The following DNAH6 variants were observed in gnomAD, a reference collection of about 807,000 sequenced individuals.
DNAH6 encodes the protein axonemal beta dynein heavy chain 6.
In DNAH6, 340 loss-of-function variants were observed where a neutral mutation model predicts 491.4. The observed-to-expected ratio is 0.69, with a 90% confidence interval of 0.63 to 0.76. The LOEUF is 0.76. Among genes scored for constraint, DNAH6 ranks in the 30% least tolerant of loss-of-function variants. DNAH6 has a pLI of 0.00. For synonymous variants in DNAH6, 1,603 were observed against 1,686.1 expected, an observed-to-expected ratio of 0.95 and a Z score of 1.21; for missense variants, 4,443 against 4,972.2, an observed-to-expected ratio of 0.89 and a Z score of 3.20.
chr2:84,601,039 C>CTATAATAATAATGTTATTATTATAA (rs1685180390), intron 18 of DNAH6, among the ~76,000 whole-genome samples: 1 of 142,290 alleles, frequency 7.0e-6, no homozygotes. Context: ...TATTATTATA[C>CTATAATAATAATGTTATTATTATAA]TATAATAATA....
In DNAH6 at chr2:84,642,423, G is replaced by A. The variant is rs954145391; in HGVS notation, c.5078+369G>A. 2.6e-5 allele frequency among the ~76,000 whole-genome samples: 4 copies of A among 151,904 alleles called. No homozygotes were observed. In the East Asian group the frequency reaches 5.8e-4, roughly 22 times the overall value. On this transcript the variant is annotated intron_variant, in intron 33 of 76. Coordinates refer to ENST00000389394, the MANE Select transcript of DNAH6 (RefSeq NM_001370.2). ...GTTGTTTAGTTTTACATTTCTCCACGTTATACATGTATATAGTTTTAAAAA... is the reference window on the plus strand; with the variant it reads ...GTTGTTTAGTTTTACATTTCTCCACATTATACATGTATATAGTTTTAAAAA...
chr2:84,715,625 A>C lies in DNAH6; in HGVS notation c.9609A>C (p.Leu3203Phe). ...VTKSGLEDQL[L>F]SDVVRLEKPR... ...AATCAGGCCTGGAGGATCAGTTGTT[A>C]AGGTAAAAAAACAGGGAGTTGAGGG... The change falls in exon 58 of 77, where the codon TTA becomes TTC. Residue 3203 changes from leucine (L) to phenylalanine (F), a missense_variant and splice_region_variant. By Grantham distance (22) the Leu-to-Phe change is conservative. Transcript: ENST00000389394. 1 of 1,551,414 alleles carries C rather than the reference A, an allele frequency of 6.4e-7. No homozygotes were observed. The highest frequency in any genetic ancestry group is 1.4e-5 in the African/African-American group (1 of 73,128).
chr2:84,658,549 T>A, intron 36 of DNAH6, 75 bp downstream of exon 36: 1 of 1,052,148 alleles, frequency 9.5e-7, no homozygotes, highest in Non-Finnish European at 1.3e-6. Flanking sequence ...AAGAAATGAC[T>A]CCATTCTAAA....
the DNAH6 span, among the ~76,000 whole-genome samples, chr2:84,466,818 G>A: frequency 3.9e-5 from 6 of 152,322 alleles, no homozygotes; most frequent in South Asian, 1.0e-3. Flanking sequence ...TCTTAGGATA[G>A]CCACAGTTAA....
At chr2:84,808,623 C>T in intron 72 of DNAH6, 81 bp downstream of exon 72, 4 of 1,410,036 alleles carry the variant, frequency 2.8e-6, no homozygotes, top group South Asian at 1.3e-5. Context: ...CTTCCATTCC[C>T]ATCACTTCAG....
At chr2:84,705,986 G>T (rs1205668562) in intron 52 of DNAH6, among the ~76,000 whole-genome samples, 1 of 152,090 alleles carries the variant, frequency 6.6e-6, no homozygotes, top group Non-Finnish European at 1.5e-5. Context: ...TGAAAAAAAA[G>T]GAATTAATCT....
chr2:84,538,816 A>C (rs1286869844), intron 4 of DNAH6, among the ~76,000 whole-genome samples: 1 of 152,100 alleles, frequency 6.6e-6, no homozygotes, highest in Non-Finnish European at 1.5e-5. Flanking sequence ...AAACTTGTTA[A>C]AAGTACTTTT....
In DNAH6 at chr2:84,676,996, T is replaced by C; in HGVS notation, c.6613-9T>C. Reference sequence around the variant, plus strand: ...GCTGAGTGATCCAAGTGGATTTCTCTGCACACAGGATGTAACAATCATATC... The same window carrying C: ...GCTGAGTGATCCAAGTGGATTTCTCCGCACACAGGATGTAACAATCATATC... On this transcript the variant is annotated splice_polypyrimidine_tract_variant and intron_variant, in intron 40 of 76. Coordinates refer to ENST00000389394, the MANE Select transcript of DNAH6 (RefSeq NM_001370.2). 1 of 1,551,788 alleles carries C rather than the reference T, an allele frequency of 6.4e-7. No homozygotes were observed. Among genetic ancestry groups the C allele is most frequent in the Non-Finnish European group, 8.7e-7 (1 of 1,146,966 alleles).
At chr2:84,592,555 C>T (rs6749409) in intron 16 of DNAH6, among the ~76,000 whole-genome samples, 11 of 152,140 alleles carry the variant, frequency 7.2e-5, no homozygotes, top group Non-Finnish European at 1.5e-4. Context: ...ACTTAAAAAA[C>T]AAATGACCCA....
intron 76 of DNAH6, among the ~76,000 whole-genome samples, chr2:84,816,811 A>G (rs1269294745): frequency 6.6e-6 from 1 of 152,220 alleles, no homozygotes; most frequent in East Asian, 1.9e-4. Context: ...CCCTGAAAAA[A>G]GAAACCAGAC....
intron 70 of DNAH6, among the ~76,000 whole-genome samples, chr2:84,799,263 C>G (rs59924802): frequency 6.6e-6 from 1 of 152,212 alleles, no homozygotes; most frequent in Non-Finnish European, 1.5e-5. Flanking sequence ...GCTGGGATTA[C>G]AGGCATGAGC....
In DNAH6 at chr2:84,529,114, A is replaced by G. The variant is rs1280607785; in HGVS notation, c.610A>G (p.Met204Val). The G allele has an allele frequency of 6.4e-7, 1 of 1,550,846 alleles. No individual in the cohort carries two copies. Among genetic ancestry groups the G allele is most frequent in the Admixed American group, 2.0e-5 (1 of 50,976 alleles). ...RENEHLGFLYMIPAVPRSSIE... is the reference protein window; with the variant it reads ...RENEHLGFLYVIPAVPRSSIE... ...AAATGAACATCTTGGATTTCTTTAT[A>G]TGATCCCTGCAGTGCCAAGATCATC... Residue 204 changes from methionine (M) to valine (V), a missense_variant, in exon 4 of 77, where the codon ATG (methionine) becomes GTG (valine). By Grantham distance (21) the Met-to-Val change is conservative (BLOSUM62 1). Around this residue, in one of 3 missense-constraint regions of DNAH6, gnomAD observed 2,977 missense variants for 3,296.6 expected, o/e 0.90. Coordinates refer to ENST00000389394, the MANE Select transcript of DNAH6 (RefSeq NM_001370.2).
the DNAH6 span, among the ~76,000 whole-genome samples, chr2:84,483,603 G>A: frequency 1.4e-4 from 22 of 151,868 alleles, no homozygotes; most frequent in Middle Eastern, 3.4e-3. Context: ...CCACCTCCCC[G>A]AGATATATAA....
intron 63 of DNAH6, among the ~76,000 whole-genome samples, chr2:84,751,781 G>A (rs1673496145): frequency 6.6e-6 from 1 of 152,180 alleles, no homozygotes; most frequent in Non-Finnish European, 1.5e-5. Context: ...TCATTTGGGG[G>A]TCTTGTTAAA....
chr2:84,804,445 T>G (rs1173367373), intron 70 of DNAH6, among the ~76,000 whole-genome samples: 1 of 152,112 alleles, frequency 6.6e-6, no homozygotes, highest in Non-Finnish European at 1.5e-5. Context: ...GCAAACTTTA[T>G]GCACATATAT....
intron 64 of DNAH6, among the ~76,000 whole-genome samples, chr2:84,768,893 T>G (rs1412987086): frequency 6.6e-6 from 1 of 152,186 alleles, no homozygotes; most frequent in African/African-American, 2.4e-5. Flanking sequence ...ATATCAGCAA[T>G]GGCAGAGTAG....
At chr2:84,657,585 A>G (rs1211214998) in intron 35 of DNAH6, among the ~76,000 whole-genome samples, 1 of 152,006 alleles carries the variant, frequency 6.6e-6, no homozygotes, top group Non-Finnish European at 1.5e-5. Flanking sequence ...AAATTGTGTT[A>G]TATTTTTAAT....
chr2:84,525,262 A>G (rs1395532562), intron 2 of DNAH6, among the ~76,000 whole-genome samples: 1 of 152,022 alleles, frequency 6.6e-6, no homozygotes, highest in Admixed American at 6.6e-5. Flanking sequence ...GGGGGTTTGT[A>G]ATGGATAATT....
chr2:84,505,272 A>G, the DNAH6 span, among the ~76,000 whole-genome samples: 1 of 152,126 alleles, frequency 6.6e-6, no homozygotes, highest in Non-Finnish European at 1.5e-5. Flanking sequence ...AGATTTTTAT[A>G]TAAGATAATT....
Sources: allele counts gnomAD v4.1 joint callset (sites outside exome capture counted in the v4.1 genomes callset), GRCh38; gene constraint gnomAD v4.1.1; regional missense constraint gnomAD v4.1.1; transcripts MANE v1.5; gene names NCBI Gene and HGNC (gene_info 2026-07-23, HGNC 2026-07-21).